The following RNF139 variants were observed in gnomAD, a reference collection of about 807,000 sequenced individuals.
RNF139 encodes E3 ubiquitin-protein ligase RNF139.
In RNF139, 15 loss-of-function variants were observed where a neutral mutation model predicts 49.5. The ratio of observed to expected loss-of-function variants is 0.30; its 90% confidence interval spans 0.20 to 0.47. RNF139 has a LOEUF of 0.47. Ranked by LOEUF, RNF139 falls within the 20% of genes least tolerant of loss-of-function variation. The pLI is 1.00. For synonymous variants in RNF139, 325 were observed against 300.9 expected (o/e 1.08, Z -0.83); for missense variants, 619 against 806.3 (o/e 0.77, Z 2.81).
At chr8:124,485,150 C>T (rs772975398) in intron 1 of RNF139, among the ~76,000 whole-genome samples, 4 of 151,984 alleles carry the variant, frequency 2.6e-5, no homozygotes, top group Non-Finnish European at 4.4e-5. Flanking sequence ...GATCACTTGA[C>T]GTCAGGAGTT....
rs771853862 is a variant in RNF139, at chr8:124,486,156, G to A, written c.507G>A (p.Glu169=). 19 of 1,613,978 alleles carry A rather than the reference G, an allele frequency of 1.2e-5. No homozygotes were observed. The highest frequency in any genetic ancestry group is 2.2e-5 in the East Asian group (1 of 44,898). The change falls in exon 2 of 2, where the codon GAG becomes GAA. Residue 169 remains glutamate (E), a synonymous_variant. Transcript: ENST00000303545. ...LLVPVIGLIT[E]LPLHIRETLL... ...TTCCTGTAATAGGCTTAATCACAGAGCTACCATTACACATCAGAGAGACTT... is the reference window on the plus strand; with the variant it reads ...TTCCTGTAATAGGCTTAATCACAGAACTACCATTACACATCAGAGAGACTT...
At chr8:124,477,050 A>G (rs1357890732) in intron 1 of RNF139, among the ~76,000 whole-genome samples, 1 of 152,156 alleles carries the variant, frequency 6.6e-6, no homozygotes, top group Non-Finnish European at 1.5e-5. Flanking sequence ...GAGTGAGGTT[A>G]TCTGTTTCAT....
At chr8:124,476,608 A>G (rs953676092) in intron 1 of RNF139, among the ~76,000 whole-genome samples, 2 of 152,228 alleles carry the variant, frequency 1.3e-5, no homozygotes, top group African/African-American at 2.4e-5. Flanking sequence ...TGCTTCAGTA[A>G]CCCACCTGCT....
chr8:124,488,288 G>A lies in RNF139; in HGVS notation c.*644G>A, dbSNP rs1311553985. Among the ~76,000 whole-genome samples the A allele has an allele frequency of 6.6e-6, 1 of 152,164 alleles. No homozygotes were observed. Among genetic ancestry groups the A allele is most frequent in the Non-Finnish European group, 1.5e-5 (1 of 68,018 alleles). On this transcript the variant is annotated 3_prime_UTR_variant, in exon 2 of 2. Transcript: ENST00000303545. ...CCAGAATGTGCTAAATGTTTTTTAT[G>A]TAAAATTGTATATTTGTTAGCCATT...
chr8:124,486,160 C>T lies in RNF139; in HGVS notation c.511C>T (p.Pro171Ser). 6.2e-7 allele frequency: 1 copy of T among 1,614,154 alleles called. No homozygotes were observed. Among genetic ancestry groups the T allele is most frequent in the Non-Finnish European group, 8.5e-7 (1 of 1,179,992 alleles). ...VPVIGLITEL[P>S]LHIRETLLFT... ...TGTAATAGGCTTAATCACAGAGCTA[C>T]CATTACACATCAGAGAGACTTTACT... The change falls in exon 2 of 2, where the codon CCA (proline) becomes TCA (serine). Residue 171 changes from proline (P) to serine (S), a missense_variant. Around this residue, in one of 2 missense-constraint regions of RNF139, gnomAD observed 530 missense variants for 728.9 expected, o/e 0.73. Transcript: ENST00000303545.
At chr8:124,483,778 T>C (rs1207900884) in intron 1 of RNF139, among the ~76,000 whole-genome samples, 1 of 152,180 alleles carries the variant, frequency 6.6e-6, no homozygotes, top group Non-Finnish European at 1.5e-5. Context: ...TACTCCAGGG[T>C]ATGGTTTCTC....
In RNF139 at chr8:124,478,585, G is replaced by A. The variant is rs1377439055; in HGVS notation, c.181+3295G>A. Among the ~76,000 whole-genome samples, 3 of 149,170 alleles carry A rather than the reference G, an allele frequency of 2.0e-5. No homozygotes were observed. The East Asian group carries it at 6.0e-4, about 30-fold the overall frequency. On this transcript the variant is annotated intron_variant, in intron 1 of 1. Transcript: ENST00000303545. The stretch of plus-strand genomic sequence containing the variant: ...ATCGCGCCACTGCACTCCAGCCTGG[G>A]CGATAGAGCGAGACTGTCTCAAAAA...
At chr8:124,478,819 G>C (rs1475454784) in intron 1 of RNF139, among the ~76,000 whole-genome samples, 1 of 145,992 alleles carries the variant, frequency 6.8e-6, no homozygotes, top group Non-Finnish European at 1.5e-5. Flanking sequence ...TCCCAGGTTC[G>C]GGCGATTCTC....
intron 1 of RNF139, among the ~76,000 whole-genome samples, chr8:124,481,766 GTC>G (rs2131301117): frequency 6.6e-6 from 1 of 152,146 alleles, no homozygotes; most frequent in African/African-American, 2.4e-5. Flanking sequence ...ATGAGAAACT[GTC>G]TCTGGACTTT....
At chr8:124,478,595 G>A (rs1188066363) in intron 1 of RNF139, among the ~76,000 whole-genome samples, 3 of 144,344 alleles carry the variant, frequency 2.1e-5, no homozygotes, top group African/African-American at 7.7e-5. Context: ...GCGATAGAGC[G>A]AGACTGTCTC....
chr8:124,478,873 C>T (rs570740852), intron 1 of RNF139, among the ~76,000 whole-genome samples: 9 of 150,982 alleles, frequency 6.0e-5, no homozygotes, highest in African/African-American at 2.2e-4. Context: ...CAGGCAAGCG[C>T]CACCACCCCC....
At chr8:124,478,605 CAAAA>C (rs372190245) in intron 1 of RNF139, among the ~76,000 whole-genome samples, 1 of 96,044 alleles carries the variant, frequency 1.0e-5, no homozygotes. Flanking sequence ...GAGACTGTCT[CAAAA>C]AAAAAAAAAA....
Position 124,486,843 on chromosome 8 carries a change from C to T in RNF139, c.1194C>T (p.Cys398=), listed in dbSNP as rs1253705409. The T allele has an allele frequency of 1.9e-6, 3 of 1,613,746 alleles. No individual in the cohort carries two copies. The highest frequency in any genetic ancestry group is 1.3e-5 in the African/African-American group (1 of 74,940). The part of the protein sequence containing the change: ...RHFPVLFVSA[C]LFILPVLLSY... ...TTCCTGTGCTGTTTGTCTCTGCTTGCCTGTTTATTCTTCCTGTCTTACTCA... is the reference window on the plus strand; with the variant it reads ...TTCCTGTGCTGTTTGTCTCTGCTTGTCTGTTTATTCTTCCTGTCTTACTCA... The change falls in exon 2 of 2, where the codon TGC becomes TGT. Residue 398 remains cysteine, a synonymous_variant. Transcript: ENST00000303545.
chr8:124,479,210 C>T (rs1231690055), intron 1 of RNF139, among the ~76,000 whole-genome samples: 2 of 152,196 alleles, frequency 1.3e-5, no homozygotes, highest in African/African-American at 4.8e-5. Context: ...CCTGCCTCAG[C>T]CTCCCAAGTA....
At chr8:124,483,700 G>C (rs1816486923) in intron 1 of RNF139, among the ~76,000 whole-genome samples, 1 of 152,016 alleles carries the variant, frequency 6.6e-6, no homozygotes, top group African/African-American at 2.4e-5. Flanking sequence ...AAAGTGCTGG[G>C]ATTACCATTG....
Position 124,486,469 on chromosome 8 carries a change from T to G in RNF139, c.820T>G (p.Trp274Gly). The G allele has an allele frequency of 1.2e-6, 2 of 1,614,210 alleles. No individual in the cohort carries two copies. Among genetic ancestry groups the G allele is most frequent in the Non-Finnish European group, 1.7e-6 (2 of 1,180,026 alleles). Reference protein sequence around the residue: ...DSFFISWDDFWDLICNLIISG... With the variant: ...DSFFISWDDFGDLICNLIISG... ...CTTCTTTATTTCTTGGGATGATTTTTGGGACCTCATTTGCAATCTTATAAT... is the reference window on the plus strand; with the variant it reads ...CTTCTTTATTTCTTGGGATGATTTTGGGGACCTCATTTGCAATCTTATAAT... Residue 274 changes from tryptophan to glycine, a missense_variant, in exon 2 of 2, where the codon TGG becomes GGG. Physicochemically the swap from Trp to Gly is radical, Grantham distance 184. Around this residue, in one of 2 missense-constraint regions of RNF139, gnomAD observed 530 missense variants for 728.9 expected, o/e 0.73. Coordinates refer to ENST00000303545, the MANE Select transcript of RNF139 (RefSeq NM_007218.4).
chr8:124,480,196 T>C (rs1357349721), intron 1 of RNF139, among the ~76,000 whole-genome samples: 1 of 151,732 alleles, frequency 6.6e-6, no homozygotes, highest in African/African-American at 2.4e-5. Flanking sequence ...TATGTAAATA[T>C]GAAATGCAGA....
At position 124,487,530 on chromosome 8, in the gene RNF139, G is replaced by A. The variant is rs1475587216; in HGVS notation, c.1881G>A (p.Arg627=). 6.2e-7 allele frequency: 1 copy of A among 1,614,080 alleles called. No individual in the cohort carries two copies. The highest frequency in any genetic ancestry group is 8.5e-7 in the Non-Finnish European group (1 of 1,180,002). ...GAGAAGCTGCTGCTGAATCTGACAG[G>A]GAATTGAACGAAGATGACAGTACAG... ...AVREAAAESD[R]ELNEDDSTDC... is the part of the protein sequence containing the mutation. Residue 627 remains arginine, a synonymous_variant, in exon 2 of 2, where the codon AGG becomes AGA. Coordinates refer to ENST00000303545, the MANE Select transcript of RNF139 (RefSeq NM_007218.4).
chr8:124,487,034 A>G lies in RNF139; in HGVS notation c.1385A>G (p.Tyr462Cys). ...TGGGAAAAGCTTGACGATTATGTCTACTACGTTCGTTCAACAGGCAGTATT... is the reference window on the plus strand; with the variant it reads ...TGGGAAAAGCTTGACGATTATGTCTGCTACGTTCGTTCAACAGGCAGTATT... ...VLWEKLDDYVYYVRSTGSIIE... is the reference protein window; with the variant it reads ...VLWEKLDDYVCYVRSTGSIIE... Residue 462 changes from tyrosine to cysteine, a missense_variant, in exon 2 of 2, where the codon TAC (tyrosine) becomes TGC (cysteine). Physicochemically the swap from Tyr to Cys is radical, Grantham distance 194 (BLOSUM62 -2). Transcript: ENST00000303545. 1.2e-6 allele frequency: 2 copies of G among 1,614,106 alleles called. No individual in the cohort carries two copies. The highest frequency in any genetic ancestry group is 1.1e-5 in the South Asian group (1 of 91,086).
Sources: gnomAD v4.1 joint callset for allele counts (sites outside exome capture counted in the v4.1 genomes callset) on GRCh38, gnomAD v4.1.1 for gene constraint, gnomAD v4.1.1 regional missense constraint, MANE v1.5 for transcripts, NCBI Gene and HGNC (gene_info 2026-07-23, HGNC 2026-07-21) for gene names.